NR6A1: variants seen among roughly 807,000 people sequenced by gnomAD.
NR6A1 encodes the protein retinoic acid receptor-related testis-associated receptor.
Under a neutral mutation model 59.1 loss-of-function variants are expected in NR6A1, and 7 were observed. That is an observed-to-expected ratio of 0.12 (90% confidence interval 0.07 to 0.22). NR6A1 has a LOEUF of 0.22. Ranked by LOEUF, NR6A1 falls within the 10% of genes least tolerant of loss-of-function variation. The probability of loss-of-function intolerance (pLI) is 1.00; values close to 1 mark genes in which losing one functional copy is unlikely to be tolerated. For synonymous variants in NR6A1, 243 were observed against 236.1 expected, an observed-to-expected ratio of 1.03 and a Z score of -0.27; for missense variants, 468 against 611.6, an observed-to-expected ratio of 0.77 and a Z score of 2.48.
intron 2 of NR6A1, among the ~76,000 whole-genome samples, chr9:124,574,322 T>C (rs1834529837): frequency 6.6e-6 from 1 of 152,188 alleles, no homozygotes; most frequent in Non-Finnish European, 1.5e-5. Flanking sequence ...TAGATACCAC[T>C]CTGATCAGAG....
chr9:124,730,371 G>A lies in NR6A1; in HGVS notation c.142+2937C>T, dbSNP rs114158971. ...CCTTCTCAAGTAGGTGGGACCACAA[G>A]CACATGCCACCACACCTGGATAATT... On this transcript the variant is annotated intron_variant, in intron 2 of 9. Transcript: ENST00000487099. Among the ~76,000 whole-genome samples, 1,046 of 152,014 alleles carry A rather than the reference G, an allele frequency of 6.9e-3. 11 individuals are homozygous for A. Among genetic ancestry groups the A allele is most frequent in the African/African-American group, 0.025 (1,016 of 41,464 alleles).
intron 2 of NR6A1, among the ~76,000 whole-genome samples, chr9:124,726,230 G>A (rs1839713914): frequency 6.6e-6 from 1 of 152,086 alleles, no homozygotes; most frequent in Non-Finnish European, 1.5e-5. Context: ...CTTAGTGGTA[G>A]GTGAGCACCA....
intron 5 of NR6A1, among the ~76,000 whole-genome samples, chr9:124,538,984 G>T (rs1370725608): frequency 6.6e-6 from 1 of 151,068 alleles, no homozygotes; most frequent in African/African-American, 2.4e-5. Context: ...GAGGTGGAAG[G>T]ATCACTTAAG....
At chr9:124,564,503 A>G (rs1039241514) in intron 2 of NR6A1, among the ~76,000 whole-genome samples, 1 of 152,250 alleles carries the variant, frequency 6.6e-6, no homozygotes, top group Admixed American at 6.5e-5. Context: ...GTAATCTAAT[A>G]AAGAGATACA....
intron 1 of NR6A1, among the ~76,000 whole-genome samples, chr9:124,744,512 C>T (rs1039708699): frequency 6.6e-6 from 1 of 152,048 alleles, no homozygotes; most frequent in African/African-American, 2.4e-5. Flanking sequence ...CTAATAAAAC[C>T]CTACCTTTGC....
At chr9:124,766,080 CG>C (rs139362250) in intron 1 of NR6A1, among the ~76,000 whole-genome samples, 1,573 of 152,258 alleles carry the variant, frequency 0.01, 27 homozygotes, top group African/African-American at 0.036. Context: ...CATCTAGAGA[CG>C]TTTTTTAAAT....
At chr9:124,770,800 G>C (rs1038732691) in intron 1 of NR6A1, among the ~76,000 whole-genome samples, 7 of 151,442 alleles carry the variant, frequency 4.6e-5, no homozygotes, top group Non-Finnish European at 7.4e-5. Flanking sequence ...GGTCCGCGCA[G>C]AAGGGAACAG....
chr9:124,630,518 G>A (rs1836400847), intron 2 of NR6A1, among the ~76,000 whole-genome samples: 1 of 151,202 alleles, frequency 6.6e-6, no homozygotes, highest in South Asian at 2.1e-4. Flanking sequence ...TTACAGGTGT[G>A]AGCCACTGCA....
intron 2 of NR6A1, among the ~76,000 whole-genome samples, chr9:124,674,272 C>T (rs1285847946): frequency 2.6e-5 from 4 of 152,166 alleles, no homozygotes; most frequent in Admixed American, 2.6e-4. Context: ...AGGAGGCACT[C>T]AAATGGTAGA....
At chr9:124,545,848 G>A (rs1833579438) in intron 3 of NR6A1, among the ~76,000 whole-genome samples, 1 of 152,214 alleles carries the variant, frequency 6.6e-6, no homozygotes. Context: ...AAGCACAGTG[G>A]CTCACACTTG....
At chr9:124,703,906 C>A (rs191869494) in intron 2 of NR6A1, among the ~76,000 whole-genome samples, 48 of 152,280 alleles carry the variant, frequency 3.2e-4, no homozygotes, top group African/African-American at 1.1e-3. Context: ...GCCACCTGAG[C>A]CTCCCAAGTA....
In NR6A1 at chr9:124,765,287, C is replaced by T. The variant is rs2416950; in HGVS notation, c.100+5733G>A. On this transcript the variant is annotated intron_variant, in intron 1 of 9. Coordinates refer to ENST00000487099, the MANE Select transcript of NR6A1 (RefSeq NM_033334.4). ...ACACTCCTTAAAGAAACTCAGAACA[C>T]TTGAAGCCCTCCTGTGAATTTATAA... is the stretch of plus-strand genomic sequence containing the variant. 2.9e-3 allele frequency among the ~76,000 whole-genome samples: 441 copies of T among 152,346 alleles called. 10 individuals are homozygous for T. Among genetic ancestry groups the T allele is most frequent in the Admixed American group, 0.027 (416 of 15,304 alleles).
At chr9:124,653,657 C>G (rs571984839) in intron 2 of NR6A1, among the ~76,000 whole-genome samples, 3 of 152,348 alleles carry the variant, frequency 2.0e-5, no homozygotes, top group Admixed American at 1.3e-4. Flanking sequence ...ATCCTTCCAC[C>G]ATGGCGTCCC....
chr9:124,723,717 T>A (rs928364969), intron 2 of NR6A1, among the ~76,000 whole-genome samples: 33 of 152,340 alleles, frequency 2.2e-4, no homozygotes, highest in African/African-American at 7.5e-4. Flanking sequence ...TCAAGCACTA[T>A]TCCAAACTTT....
intron 2 of NR6A1, among the ~76,000 whole-genome samples, chr9:124,699,768 C>T (rs1838877060): frequency 6.6e-6 from 1 of 152,198 alleles, no homozygotes. Context: ...ATAAAACTCC[C>T]TTTGTTCCTG....
At chr9:124,747,689 A>G (rs1444555914) in intron 1 of NR6A1, among the ~76,000 whole-genome samples, 3 of 151,896 alleles carry the variant, frequency 2.0e-5, no homozygotes, top group Non-Finnish European at 4.4e-5. Context: ...GGTACCACCA[A>G]CTCTCATCCC....
intron 5 of NR6A1, among the ~76,000 whole-genome samples, chr9:124,539,049 A>T (rs113870909): frequency 0.042 from 6,249 of 149,016 alleles, 439 homozygotes; most frequent in African/African-American, 0.14. Flanking sequence ...CTCTTTTTTT[A>T]AAAAAAAAAG....
chr9:124,724,242 G>C (rs1159818609), intron 2 of NR6A1, among the ~76,000 whole-genome samples: 1 of 151,922 alleles, frequency 6.6e-6, no homozygotes, highest in Non-Finnish European at 1.5e-5. Flanking sequence ...GACACAACCT[G>C]GAAGGACATA....
intron 2 of NR6A1, among the ~76,000 whole-genome samples, chr9:124,584,128 C>T (rs1167073737): frequency 6.8e-6 from 1 of 147,390 alleles, no homozygotes; most frequent in African/African-American, 2.5e-5. Flanking sequence ...CAGAGTCTCA[C>T]TCTGTCACCC....
Sources: gnomAD v4.1 joint callset for allele counts (sites outside exome capture counted in the v4.1 genomes callset) on GRCh38, gnomAD v4.1.1 for gene constraint, MANE v1.5 for transcripts, NCBI Gene and HGNC (gene_info 2026-07-23, HGNC 2026-07-21) for gene names.